The following EIF4G1 variants were observed in gnomAD, a reference collection of about 807,000 sequenced individuals.
The protein encoded by EIF4G1 is eukaryotic translation initiation factor 4 gamma 1, also known as EIF4-gamma.
Under a neutral mutation model 187.8 loss-of-function variants are expected in EIF4G1, and 4 were observed. The observed-to-expected ratio is 0.02, with a 90% CI of 0.01 to 0.05. The LOEUF is 0.05. Among genes scored for constraint, EIF4G1 ranks in the 10% least tolerant of loss-of-function variants. The pLI, the probability that EIF4G1 is intolerant of heterozygous loss-of-function variation, is 1.00. For synonymous variants in EIF4G1, 844 were observed against 781.4 expected, an observed-to-expected ratio of 1.08 and a Z score of -1.34; for missense variants, 1,647 against 2,081.1, an observed-to-expected ratio of 0.79 and a Z score of 4.06.
At chr3:184,329,117 T>G in intron 28 of EIF4G1, 127 bp downstream of exon 28, 2 of 1,159,556 alleles carry the variant, frequency 1.7e-6, no homozygotes, top group Admixed American at 3.9e-5. Flanking sequence ...TGTTGGTACC[T>G]GGGAGAGGAA....
intron 6 of EIF4G1, among the ~76,000 whole-genome samples, chr3:184,318,432 CTT>C (rs1491436838): frequency 1.3e-5 from 2 of 152,164 alleles, no homozygotes; most frequent in East Asian, 3.9e-4. Context: ...GCCTGGGAAA[CTT>C]AGTGAGACCC....
intron 28 of EIF4G1, among the ~76,000 whole-genome samples, chr3:184,329,346 A>T (rs112830870): frequency 0.015 from 2,342 of 152,318 alleles, 27 homozygotes; most frequent in Non-Finnish European, 0.023. Context: ...AAAAAGGAAG[A>T]AATGGGCCGG....
chr3:184,331,528 C>T lies in EIF4G1; in HGVS notation c.4317C>T (p.Pro1439=), dbSNP rs770348389. The change falls in exon 30 of 33, where the codon CCC becomes CCT. Residue 1439 remains proline (P), a synonymous_variant. Transcript: ENST00000346169. Reference sequence around the variant, plus strand: ...AAGCCCCTGGCCAGAGGGCACTCCCCTCCGAGGAGCTGAACAGGCAGCTGG... The same window carrying T: ...AAGCCCCTGGCCAGAGGGCACTCCCTTCCGAGGAGCTGAACAGGCAGCTGG... ...ESEAPGQRAL[P]SEELNRQLEK... The T allele has an allele frequency of 3.1e-6, 5 of 1,614,002 alleles. No individual in the cohort carries two copies. In the Admixed American group the frequency reaches 6.7e-5, roughly 22 times the overall value.
rs370665112 is a variant in EIF4G1 at position 184,315,557 on chromosome 3, G to A, written c.-35+12G>A. ...TCTTAATCGAGGGGGTGAGTGAGGGGTCTGTTTCAGTAGGTCAGGGGTTGG... is the reference window on the plus strand; with the variant it reads ...TCTTAATCGAGGGGGTGAGTGAGGGATCTGTTTCAGTAGGTCAGGGGTTGG... On this transcript the variant is annotated intron_variant, in intron 2 of 32. Coordinates refer to ENST00000346169, the MANE Select transcript of EIF4G1 (RefSeq NM_198241.3). The A allele has an allele frequency of 7.6e-4, 574 of 757,572 alleles. 3 individuals are homozygous for A. The highest frequency in any genetic ancestry group is 2.7e-4 in the Admixed American group (16 of 58,518). 46.9% of individuals were successfully genotyped at this position (757,572 alleles called of 1,614,324 possible). A position where few individuals can be genotyped will look rare whatever the true frequency, so the allele number is the denominator to read the frequency against.
chr3:184,322,262 G>A, intron 10 of EIF4G1, 100 bp from the exon 11 acceptor site: 3 of 1,524,186 alleles, frequency 2.0e-6, no homozygotes, highest in South Asian at 2.3e-5. Context: ...ATGCAAAGGG[G>A]AAATACTGTT....
intron 10 of EIF4G1, 58 bp from the exon 11 acceptor site, chr3:184,322,304 G>A (rs545100469): frequency 1.2e-4 from 195 of 1,569,092 alleles, no homozygotes; most frequent in Non-Finnish European, 1.6e-4. Context: ...CAGGGATTAA[G>A]GGTACTCCTT....
In EIF4G1 at chr3:184,335,279, A is replaced by G. The variant is rs1210871427; in HGVS notation, c.*371A>G. On this transcript the variant is annotated 3_prime_UTR_variant, in exon 33 of 33. Coordinates refer to ENST00000346169, the MANE Select transcript of EIF4G1 (RefSeq NM_198241.3). ...TGGGGGCATATGCCCCAGCCCCTGT[A>G]CCACCCCTGCTGTTGCCTGGGCAGG... The G allele has an allele frequency of 1.5e-5, 4 of 266,868 alleles. No individual in the cohort carries two copies. In the East Asian group the frequency reaches 3.6e-4, roughly 24 times the overall value. The allele number at this position is 266,868 out of a possible 1,614,324, so 16.5% of individuals were successfully genotyped here.
Position 184,321,680 on chromosome 3 carries a change from C to G in EIF4G1, c.1096C>G (p.Pro366Ala). The G allele has an allele frequency of 6.3e-7, 1 of 1,596,452 alleles. No individual in the cohort carries two copies. Among genetic ancestry groups the G allele is most frequent in the Non-Finnish European group, 8.6e-7 (1 of 1,169,458 alleles). The stretch of plus-strand genomic sequence containing the variant: ...AATTCATGAGCCTAATGGCATGGTC[C>G]CATCTGAAGATCTGGAACCAGAGGT... ...VEIHEPNGMVPSEDLEPEVES... is the reference protein window; with the variant it reads ...VEIHEPNGMVASEDLEPEVES... Residue 366 changes from proline (P) to alanine (A), a missense_variant, in exon 10 of 33, where the codon CCA (proline) becomes GCA (alanine). By Grantham distance (27) the Pro-to-Ala change is conservative. Coordinates refer to ENST00000346169, the MANE Select transcript of EIF4G1 (RefSeq NM_198241.3).
At position 184,327,817 on chromosome 3, in the gene EIF4G1, C is replaced by T; in HGVS notation, c.3781-13C>T. On this transcript the variant is annotated splice_polypyrimidine_tract_variant and intron_variant, in intron 25 of 32. Transcript: ENST00000346169. Reference sequence around the variant, plus strand: ...GTGACTGGTCTCTTCCTGCTGTGCCCTGCACCCCTCAGGAGGCAGTCCAGT... The same window carrying T: ...GTGACTGGTCTCTTCCTGCTGTGCCTTGCACCCCTCAGGAGGCAGTCCAGT... 1.9e-6 allele frequency: 3 copies of T among 1,614,080 alleles called. No individual in the cohort carries two copies. The highest frequency in any genetic ancestry group is 2.5e-6 in the Non-Finnish European group (3 of 1,180,028).
chr3:184,317,850 G>T, intron 6 of EIF4G1, 34 bp downstream of exon 6: 2 of 1,486,180 alleles, frequency 1.3e-6, no homozygotes, highest in Non-Finnish European at 1.9e-6. Context: ...GTGAGAACAA[G>T]CCCAAGGGAG....
Position 184,327,211 on chromosome 3 carries a change from T to G in EIF4G1, c.3429-5T>G, listed in dbSNP as rs112606861. 33 of 1,612,406 alleles carry G rather than the reference T, an allele frequency of 2.0e-5. No homozygotes were observed. The highest frequency in any genetic ancestry group is 5.3e-5 in the African/African-American group (4 of 74,894). On this transcript the variant is annotated splice_polypyrimidine_tract_variant and splice_region_variant and intron_variant, in intron 23 of 32. Transcript: ENST00000346169. ...TGAGTGAAAATTTGTCTGTCTGTCT[T>G]CCAGGAGTAGCTTGAGCCGAGAACG...
Position 184,334,859 on chromosome 3 carries a change from CCTT to C in EIF4G1, c.4756_4758del (p.Phe1586del). On this transcript the variant is annotated inframe_deletion, in exon 33 of 33. Coordinates refer to ENST00000346169, the MANE Select transcript of EIF4G1 (RefSeq NM_198241.3). This position sits in a 1 kb window ranked among gnomAD's most constrained non-coding sequence, Gnocchi z 5.8. Reference sequence around the variant, plus strand: ...GGTGTGGCCCTTAAATCTGTCACAGCCTTCTTCAAGTGGCTCCGTGAAGCAGAG... The same window carrying C: ...GGTGTGGCCCTTAAATCTGTCACAGCCTTCAAGTGGCTCCGTGAAGCAGAG... 1 of 1,614,200 alleles carries C rather than the reference CCTT, an allele frequency of 6.2e-7. No individual in the cohort carries two copies. Among genetic ancestry groups the C allele is most frequent in the Non-Finnish European group, 8.5e-7 (1 of 1,180,026 alleles).
rs750569996 is a variant in EIF4G1 at position 184,322,546 on chromosome 3, G to A, written c.1611G>A (p.Ala537=). The change falls in exon 12 of 33, where the codon GCG becomes GCA. Residue 537 remains alanine, a splice_region_variant and synonymous_variant. Transcript: ENST00000346169. ...AACTGGATGTTCTGTTGTTCTAGGC[G>A]AACCCGGCAGTACCAGAGGTGGAAA... The part of the protein sequence containing the change: ...VGDLLDAFKE[A]NPAVPEVENQ... 1.1e-5 allele frequency: 17 copies of A among 1,613,960 alleles called. No homozygotes were observed. Among genetic ancestry groups the A allele is most frequent in the Non-Finnish European group, 1.0e-5 (12 of 1,180,020 alleles).
rs1722663745 is a variant in EIF4G1, at chr3:184,315,810, C to T, written c.14C>T (p.Pro5Leu). Reference sequence around the variant, plus strand: ...GCACCAAATGAAATGAACAAAGCTCCACAGTCCACAGGCCCCCCACCCGCC... The same window carrying T: ...GCACCAAATGAAATGAACAAAGCTCTACAGTCCACAGGCCCCCCACCCGCC... MNKA[P>L]QSTGPPPAPS... The change falls in exon 3 of 33, where the codon CCA becomes CTA. Residue 5 changes from proline (P) to leucine (L), a missense_variant. By Grantham distance (98) the Pro-to-Leu change is moderately conservative. This residue lies in a region of EIF4G1 where 61 missense variants were observed against 49.5 expected (regional missense o/e 1.23). Transcript: ENST00000346169. The T allele has an allele frequency of 6.4e-7, 1 of 1,551,586 alleles. No homozygotes were observed. Among genetic ancestry groups the T allele is most frequent in the South Asian group, 1.2e-5 (1 of 84,090 alleles).
chr3:184,328,754 C>G lies in EIF4G1; in HGVS notation c.4077C>G (p.Phe1359Leu), dbSNP rs1489435691. Residue 1359 changes from phenylalanine (F) to leucine (L), a missense_variant and splice_region_variant, in exon 27 of 33, where the codon TTC becomes TTG. By Grantham distance (22) the Phe-to-Leu change is conservative (BLOSUM62 0). This residue lies in a region of EIF4G1 where 543 missense variants were observed against 638.0 expected (regional missense o/e 0.85). Transcript: ENST00000346169. Reference protein sequence around the residue: ...QEGGVPMGELFREITKPLRPL... With the variant: ...QEGGVPMGELLREITKPLRPL... ...GTGGGGTGCCCATGGGGGAGCTGTT[C>G]AGGTAAGTCCCCCTGGGTGGAATTC... is the stretch of plus-strand genomic sequence containing the variant. 2 of 1,614,134 alleles carry G rather than the reference C, an allele frequency of 1.2e-6. No homozygotes were observed. The highest frequency in any genetic ancestry group is 2.2e-5 in the South Asian group (2 of 91,084).
intron 4 of EIF4G1, 113 bp from the exon 5 acceptor site, chr3:184,317,208 A>G (rs1722953472): frequency 3.1e-6 from 4 of 1,278,108 alleles, no homozygotes; most frequent in East Asian, 4.6e-5. Context: ...ATTGGTCGCC[A>G]TGTTCTGAAG....
intron 7 of EIF4G1, chr3:184,320,346 G>A (rs1264938810): frequency 7.4e-7 from 1 of 1,346,416 alleles, no homozygotes; most frequent in Admixed American, 3.1e-5. Context: ...AGGGTGTGCA[G>A]CCACTGACTT....
chr3:184,315,306 C>G (rs1029358859), intron 1 of EIF4G1, 183 bp from the exon 2 acceptor site: 2 of 487,490 alleles, frequency 4.1e-6, no homozygotes, highest in Admixed American at 2.2e-5. Context: ...GCAGGCGTAT[C>G]CTGTGTGCCC....
rs1198202871 is a variant in EIF4G1 at position 184,324,188 on chromosome 3, C to T, written c.2473-13C>T. 1.9e-6 allele frequency: 3 copies of T among 1,614,110 alleles called. No homozygotes were observed. Among genetic ancestry groups the T allele is most frequent in the Admixed American group, 1.7e-5 (1 of 60,012 alleles). On this transcript the variant is annotated splice_polypyrimidine_tract_variant and intron_variant, in intron 16 of 32. Coordinates refer to ENST00000346169, the MANE Select transcript of EIF4G1 (RefSeq NM_198241.3). ...GGACTAGTCTTGAGTGTGACATTCT[C>T]TCTGACCTACAGCTGAAAGTGCCCA...
Sources: gnomAD v4.1 joint callset for allele counts (sites outside exome capture counted in the v4.1 genomes callset) on GRCh38, gnomAD v4.1.1 for gene constraint, gnomAD v4.1.1 regional missense constraint, Gnocchi (gnomAD v3.1) non-coding constraint, MANE v1.5 for transcripts, NCBI Gene and HGNC (gene_info 2026-07-23, HGNC 2026-07-21) for gene names.